Variants in TMEM163 observed in about 807,000 individuals in gnomAD.
TMEM163 encodes transmembrane protein 163.
Under a neutral mutation model 29.3 loss-of-function variants are expected in TMEM163, and 17 were observed. The observed-to-expected ratio is 0.58, with a 90% CI of 0.40 to 0.87. TMEM163 has a LOEUF of 0.87. Among genes scored for constraint, TMEM163 ranks in the 40% least tolerant of loss-of-function variants. The pLI is 0.00. For missense variants in TMEM163, 303 were observed against 381.5 expected, an observed-to-expected ratio of 0.79 and a Z score of 1.71; for synonymous variants, 157 against 160.6, an observed-to-expected ratio of 0.98 and a Z score of 0.17.
At chr2:134,656,974 T>C (rs1021045121) in intron 2 of TMEM163, among the ~76,000 whole-genome samples, 1 of 152,238 alleles carries the variant, frequency 6.6e-6, no homozygotes, top group African/African-American at 2.4e-5. Flanking sequence ...AACTTCTTGA[T>C]GTGCTGCTGG....
rs72052495 is a variant in TMEM163 at position 134,674,340 on chromosome 2, A to ATTTT, written c.322+38856_322+38859dup. ...TGTCAAAATCAAAATAGAGTCATTA[A>ATTTT]TTTTTTTTTTTTTTTTTTTTTTGAG... is the stretch of plus-strand genomic sequence containing the variant. On this transcript the variant is annotated intron_variant, in intron 2 of 7. Coordinates refer to ENST00000281924, the MANE Select transcript of TMEM163 (RefSeq NM_030923.5). Among the ~76,000 whole-genome samples, 154 of 106,574 alleles carry ATTTT rather than the reference A, an allele frequency of 1.4e-3. 1 individual carries two copies. Among genetic ancestry groups the ATTTT allele is most frequent in the African/African-American group, 5.2e-3 (137 of 26,532 alleles). The allele number at this position is 106,574 out of a possible 152,430, so 69.9% of individuals were successfully genotyped here.
At position 134,669,064 on chromosome 2, in the gene TMEM163, A is replaced by T. The variant is rs536749560; in HGVS notation, c.322+44136T>A. 2.0e-5 allele frequency among the ~76,000 whole-genome samples: 3 copies of T among 152,348 alleles called. No individual in the cohort carries two copies. In the South Asian group the frequency reaches 6.2e-4, roughly 32 times the overall value. ...CATCCTCACTGCAGAGGCATCTGTG[A>T]GAGCAGAGCCTGGGGCTGCTCCCCC... On this transcript the variant is annotated intron_variant, in intron 2 of 7. Transcript: ENST00000281924.
chr2:134,677,278 G>A (rs1684136378), intron 2 of TMEM163, among the ~76,000 whole-genome samples: 1 of 152,166 alleles, frequency 6.6e-6, no homozygotes, highest in Non-Finnish European at 1.5e-5. Context: ...ATTTTTAAAG[G>A]CGTCTCTGAA....
intron 5 of TMEM163, among the ~76,000 whole-genome samples, chr2:134,498,841 G>A (rs562322950): frequency 1.6e-4 from 25 of 152,342 alleles, no homozygotes; most frequent in African/African-American, 5.8e-4. Context: ...AGACAGACAG[G>A]AGGCCGGAGC....
chr2:134,604,121 A>G (rs1682297087), intron 2 of TMEM163, among the ~76,000 whole-genome samples: 1 of 152,096 alleles, frequency 6.6e-6, no homozygotes. Flanking sequence ...CCGCTGTCAG[A>G]TTAACTTCTG....
At chr2:134,711,590 C>A (rs1288523583) in intron 2 of TMEM163, among the ~76,000 whole-genome samples, 1 of 152,186 alleles carries the variant, frequency 6.6e-6, no homozygotes, top group Non-Finnish European at 1.5e-5. Flanking sequence ...AAGCAACATT[C>A]TAATTCTGTA....
At chr2:134,556,784 G>A (rs768840670) in intron 2 of TMEM163, among the ~76,000 whole-genome samples, 4 of 152,314 alleles carry the variant, frequency 2.6e-5, no homozygotes, top group Non-Finnish European at 4.4e-5. Context: ...TCACACCACC[G>A]TAAGCCAGCC....
At chr2:134,513,285 G>A (rs1166670771) in intron 4 of TMEM163, among the ~76,000 whole-genome samples, 1 of 152,244 alleles carries the variant, frequency 6.6e-6, no homozygotes, top group Non-Finnish European at 1.5e-5. Flanking sequence ...AGTGTGGGAT[G>A]TGTGTGTTAG....
At chr2:134,502,766 A>G (rs982077208) in intron 5 of TMEM163, 135 bp downstream of exon 5, 5 of 674,808 alleles carry the variant, frequency 7.4e-6, no homozygotes, top group Admixed American at 6.5e-5. Context: ...TCCCTGCAAC[A>G]AGTTCTTCTG....
At chr2:134,691,013 C>T (rs1422164634) in intron 2 of TMEM163, among the ~76,000 whole-genome samples, 2 of 152,168 alleles carry the variant, frequency 1.3e-5, no homozygotes, top group Non-Finnish European at 2.9e-5. Flanking sequence ...TCAGGTCCCA[C>T]ACTCCAGGCG....
At chr2:134,495,425 C>CT (rs1163103718) in intron 5 of TMEM163, among the ~76,000 whole-genome samples, 3 of 152,180 alleles carry the variant, frequency 2.0e-5, no homozygotes, top group Non-Finnish European at 2.9e-5. Flanking sequence ...CTCGATCCTC[C>CT]TCAAGGCAAA....
At chr2:134,580,312 C>T (rs1324453518) in intron 2 of TMEM163, among the ~76,000 whole-genome samples, 5 of 152,126 alleles carry the variant, frequency 3.3e-5, no homozygotes, top group East Asian at 3.8e-4. Flanking sequence ...ATTTAAGAGA[C>T]GTAACAGCAT....
At chr2:134,605,731 G>A (rs975778377) in intron 2 of TMEM163, among the ~76,000 whole-genome samples, 2 of 151,548 alleles carry the variant, frequency 1.3e-5, no homozygotes, top group African/African-American at 4.9e-5. Context: ...GGAGGGGAGG[G>A]GAGGAGAGGA....
intron 2 of TMEM163, among the ~76,000 whole-genome samples, chr2:134,560,802 G>A (rs1681152566): frequency 6.6e-6 from 1 of 152,300 alleles, no homozygotes; most frequent in Non-Finnish European, 1.5e-5. Flanking sequence ...TTCAGTTTGC[G>A]TAACATGAAA....
At chr2:134,682,991 A>G (rs534637961) in intron 2 of TMEM163, among the ~76,000 whole-genome samples, 88 of 152,314 alleles carry the variant, frequency 5.8e-4, no homozygotes, top group Non-Finnish European at 7.5e-4. Flanking sequence ...GTAAACGCAT[A>G]TTGCAAAGAG....
In TMEM163 at chr2:134,604,436, GAAA is replaced by G. The variant is rs5834421; in HGVS notation, c.323-52348_323-52346del. Reference sequence around the variant, plus strand: ...TGAGCCATAACCTTAGCTTTTACTGGAAAAAAAAAAAAAAACCTCAAAATAAAG... The same window carrying G: ...TGAGCCATAACCTTAGCTTTTACTGGAAAAAAAAAAAACCTCAAAATAAAG... On this transcript the variant is annotated intron_variant, in intron 2 of 7. Transcript: ENST00000281924. Among the ~76,000 whole-genome samples the G allele has an allele frequency of 6.3e-5, 9 of 142,548 alleles. No homozygotes were observed. In the East Asian group the frequency reaches 8.5e-4, roughly 13 times the overall value. The allele number at this position is 142,548 out of a possible 152,430, so 93.5% of individuals were successfully genotyped here. A position where few individuals can be genotyped will look rare whatever the true frequency, so the allele number is the denominator to read the frequency against.
intron 4 of TMEM163, among the ~76,000 whole-genome samples, chr2:134,513,408 T>G (rs1679991227): frequency 6.6e-6 from 1 of 152,134 alleles, no homozygotes; most frequent in South Asian, 2.1e-4. Context: ...CCAAGTAGAT[T>G]CTTTCCCCCT....
chr2:134,708,672 C>T (rs1017190949), intron 2 of TMEM163, among the ~76,000 whole-genome samples: 5 of 152,164 alleles, frequency 3.3e-5, no homozygotes, highest in East Asian at 1.9e-4. Flanking sequence ...CTGCAACCTC[C>T]GTCTCCTGGA....
At chr2:134,531,592 A>G (rs749073935) in intron 4 of TMEM163, among the ~76,000 whole-genome samples, 37 of 152,180 alleles carry the variant, frequency 2.4e-4, no homozygotes, top group Non-Finnish European at 8.8e-5. Context: ...TGGCTCACAG[A>G]ACTCAGGGAT....
Sources: allele counts gnomAD v4.1 joint callset (sites outside exome capture counted in the v4.1 genomes callset), GRCh38; gene constraint gnomAD v4.1.1; transcripts MANE v1.5; gene names NCBI Gene and HGNC (gene_info 2026-07-23, HGNC 2026-07-21).